WWOX: variants seen among roughly 807,000 people sequenced by gnomAD.
The protein encoded by WWOX is WW domain-containing oxidoreductase.
In WWOX, 69 loss-of-function variants were observed where a neutral mutation model predicts 46.2. The observed-to-expected ratio is 1.49, with a 90% CI of 1.23 to 1.82. The LOEUF (loss-of-function observed/expected upper bound fraction) is 1.82. WWOX is among the 40% of genes most tolerant of loss of function. The probability of loss-of-function intolerance (pLI) is 0.00; values close to 1 mark genes in which losing one functional copy is unlikely to be tolerated. For missense variants in WWOX, 919 were observed against 542.6 expected, an observed-to-expected ratio of 1.69 and a Z score of -6.89; for synonymous variants, 359 against 202.6, an observed-to-expected ratio of 1.77 and a Z score of -6.56.
At chr16:78,929,255 T>A (rs1320438150) in intron 8 of WWOX, among the ~76,000 whole-genome samples, 4 of 54,500 alleles carry the variant, frequency 7.3e-5, no homozygotes, top group Non-Finnish European at 1.1e-4. Flanking sequence ...CATACAGTGA[T>A]TTTTTTTTTT....
chr16:78,587,447 T>C (rs2151597224), intron 8 of WWOX, among the ~76,000 whole-genome samples: 1 of 152,266 alleles, frequency 6.6e-6, no homozygotes, highest in South Asian at 2.1e-4. Context: ...TACAGATTTT[T>C]ATCATCATCC....
At chr16:78,365,609 A>G (rs145842473) in intron 5 of WWOX, among the ~76,000 whole-genome samples, 1 of 152,202 alleles carries the variant, frequency 6.6e-6, no homozygotes, top group Admixed American at 6.5e-5. Context: ...TTCTTTCCAC[A>G]TTATGAAGTG....
At chr16:78,515,950 A>G (rs992054497) in intron 8 of WWOX, among the ~76,000 whole-genome samples, 1 of 152,032 alleles carries the variant, frequency 6.6e-6, no homozygotes, top group Non-Finnish European at 1.5e-5. Flanking sequence ...TCTCTCAGTC[A>G]ATCAGTCAAT....
In WWOX at chr16:78,742,027, A is replaced by T. The variant is rs138962654; in HGVS notation, c.1056+309275A>T. ...TCTCTTCCCACCCCCTACGATGTCT[A>T]TGTATAGTTTCAACCTGGCAACCCT... On this transcript the variant is annotated intron_variant, in intron 8 of 8. Transcript: ENST00000566780. Among the ~76,000 whole-genome samples, 11 of 152,176 alleles carry T rather than the reference A, an allele frequency of 7.2e-5. No homozygotes were observed. The South Asian group carries it at 2.3e-3, about 32-fold the overall frequency.
At chr16:78,103,078 G>A (rs1166418962) in intron 1 of WWOX, among the ~76,000 whole-genome samples, 1 of 152,032 alleles carries the variant, frequency 6.6e-6, no homozygotes, top group African/African-American at 2.4e-5. Context: ...GCTCCTGCGT[G>A]CCCCCTGCGC....
intron 8 of WWOX, among the ~76,000 whole-genome samples, chr16:78,790,188 G>C (rs1458486883): frequency 6.6e-6 from 1 of 152,096 alleles, no homozygotes; most frequent in African/African-American, 2.4e-5. Flanking sequence ...CCGGGCTGGA[G>C]TGCAGTGGTG....
At chr16:79,181,721 A>C (rs753903944) in intron 8 of WWOX, among the ~76,000 whole-genome samples, 1 of 152,152 alleles carries the variant, frequency 6.6e-6, no homozygotes, top group Admixed American at 6.5e-5. Flanking sequence ...TTCTTTTGAC[A>C]TACTTGGAGT....
chr16:78,601,756 G>A (rs2045628260), intron 8 of WWOX, among the ~76,000 whole-genome samples: 1 of 152,200 alleles, frequency 6.6e-6, no homozygotes, highest in Non-Finnish European at 1.5e-5. Flanking sequence ...TAGGGAGACA[G>A]TAATGGTATT....
At chr16:79,195,639 G>A (rs2051225198) in intron 8 of WWOX, among the ~76,000 whole-genome samples, 2 of 152,240 alleles carry the variant, frequency 1.3e-5, no homozygotes, top group African/African-American at 4.8e-5. Context: ...AGGGATGGGG[G>A]AAAGGGAGAA....
intron 5 of WWOX, among the ~76,000 whole-genome samples, chr16:78,176,567 C>T (rs2035354410): frequency 6.6e-6 from 1 of 152,152 alleles, no homozygotes; most frequent in Non-Finnish European, 1.5e-5. Context: ...TTTGTAATGG[C>T]TTTGTTGTTG....
At chr16:78,138,109 C>T (rs1407697942) in intron 4 of WWOX, among the ~76,000 whole-genome samples, 1 of 150,708 alleles carries the variant, frequency 6.6e-6, no homozygotes, top group Non-Finnish European at 1.5e-5. Flanking sequence ...TGGCTCGCTG[C>T]ATCCTCTTCA....
chr16:78,774,662 G>T (rs1312433500), intron 8 of WWOX, among the ~76,000 whole-genome samples: 1 of 152,194 alleles, frequency 6.6e-6, no homozygotes, highest in South Asian at 2.1e-4. Flanking sequence ...GCTCCGGGCA[G>T]TTCCTTGAAA....
intron 8 of WWOX, among the ~76,000 whole-genome samples, chr16:78,565,701 A>C (rs576697377): frequency 6.6e-6 from 1 of 152,262 alleles, no homozygotes; most frequent in East Asian, 1.9e-4. Context: ...TTATTACTCT[A>C]CCACAACCAC....
intron 8 of WWOX, among the ~76,000 whole-genome samples, chr16:78,999,145 CTT>C (rs761357136): frequency 1.1e-4 from 16 of 141,338 alleles, no homozygotes; most frequent in Non-Finnish European, 7.8e-5. Flanking sequence ...GATGCTTCTT[CTT>C]TTTTTTTTTT....
intron 8 of WWOX, among the ~76,000 whole-genome samples, chr16:78,721,964 G>A (rs1321114202): frequency 1.3e-5 from 2 of 152,230 alleles, no homozygotes; most frequent in Non-Finnish European, 2.9e-5. Context: ...TGCCTATTAA[G>A]CAGCCATGTA....
chr16:78,575,352 G>C lies in WWOX; in HGVS notation c.1056+142600G>C, dbSNP rs1207629005. 6.0e-5 allele frequency among the ~76,000 whole-genome samples: 9 copies of C among 151,168 alleles called. No individual in the cohort carries two copies. In the East Asian group the frequency reaches 1.8e-3, roughly 30 times the overall value. ...TTAGTATTTAGAACGTATTTGTTTA[G>C]AGGATACTAGCCTGAAATAGCCCTA... On this transcript the variant is annotated intron_variant, in intron 8 of 8. Transcript: ENST00000566780.
At position 78,517,445 on chromosome 16, in the gene WWOX, T is replaced by A. The variant is rs188767052; in HGVS notation, c.1056+84693T>A. The stretch of plus-strand genomic sequence containing the variant: ...ATTTCCAGCTATGTTTAAATATGAA[T>A]GTCTTGTTCGACGCTTCGCATATGT... On this transcript the variant is annotated intron_variant, in intron 8 of 8. Coordinates refer to ENST00000566780, the MANE Select transcript of WWOX (RefSeq NM_016373.4). Among the ~76,000 whole-genome samples the A allele has an allele frequency of 2.6e-3, 389 of 152,316 alleles. 3 individuals carry two copies. Among genetic ancestry groups the A allele is most frequent in the Non-Finnish European group, 2.6e-3 (180 of 68,034 alleles).
intron 8 of WWOX, among the ~76,000 whole-genome samples, chr16:78,477,100 G>T (rs142219610): frequency 2.6e-5 from 4 of 152,144 alleles, no homozygotes; most frequent in Non-Finnish European, 4.4e-5. Flanking sequence ...AAGAGCCCTT[G>T]AAAGCAATAT....
chr16:78,953,444 C>G (rs1165988957), intron 8 of WWOX, among the ~76,000 whole-genome samples: 1 of 150,542 alleles, frequency 6.6e-6, no homozygotes, highest in South Asian at 2.1e-4. Flanking sequence ...CATCAACAGT[C>G]CCTTTAGGAC....
Sources: allele counts gnomAD v4.1 joint callset (sites outside exome capture counted in the v4.1 genomes callset), GRCh38; gene constraint gnomAD v4.1.1; transcripts MANE v1.5; gene names NCBI Gene and HGNC (gene_info 2026-07-23, HGNC 2026-07-21).